The following RNLS variants were observed in gnomAD, a reference collection of about 807,000 sequenced individuals.
RNLS encodes renalase.
Under a neutral mutation model 39.8 loss-of-function variants are expected in RNLS, and 39 were observed. The ratio of observed to expected loss-of-function variants is 0.98; its 90% CI spans 0.76 to 1.28. The LOEUF is 1.28. Among genes scored for constraint, RNLS ranks in the 50% most tolerant of loss-of-function variants. The pLI, the probability that RNLS is intolerant of heterozygous loss-of-function variation, is 0.00. For synonymous variants in RNLS, 147 were observed against 150.7 expected (o/e 0.98, Z 0.18); for missense variants, 410 against 413.3 (o/e 0.99, Z 0.07).
intron 4 of RNLS, among the ~76,000 whole-genome samples, chr10:88,521,895 AGTGAAC>A (rs1264538948): frequency 6.6e-6 from 1 of 152,020 alleles, no homozygotes; most frequent in Non-Finnish European, 1.5e-5. Flanking sequence ...TTAGCTAATA[AGTGAAC>A]ATTAGAAGGC....
At chr10:88,336,693 T>C (rs1847527233) in intron 5 of RNLS, among the ~76,000 whole-genome samples, 1 of 152,208 alleles carries the variant, frequency 6.6e-6, no homozygotes, top group African/African-American at 2.4e-5. Context: ...AATGATAGCA[T>C]TCACCAGCAA....
intron 4 of RNLS, among the ~76,000 whole-genome samples, chr10:88,446,128 T>C (rs1842019258): frequency 6.6e-6 from 1 of 152,152 alleles, no homozygotes; most frequent in Non-Finnish European, 1.5e-5. Flanking sequence ...CAGACCACAG[T>C]GCAATCAAAC....
intron 4 of RNLS, among the ~76,000 whole-genome samples, chr10:88,457,493 C>A (rs1368007577): frequency 6.6e-6 from 1 of 152,202 alleles, no homozygotes; most frequent in African/African-American, 2.4e-5. Flanking sequence ...CTCAATACAG[C>A]CTGCTGTAGT....
chr10:88,545,433 A>G (rs1848250971), intron 4 of RNLS: 1 of 456,356 alleles, frequency 2.2e-6, no homozygotes, highest in Non-Finnish European at 4.4e-6. Flanking sequence ...TGGAAGACAA[A>G]GAAAGAGCAA....
At chr10:88,205,877 T>C in the RNLS span, among the ~76,000 whole-genome samples, 2 of 152,198 alleles carry the variant, frequency 1.3e-5, no homozygotes, top group African/African-American at 2.4e-5. Flanking sequence ...AAATAGAAAA[T>C]GTCCACTTCT....
chr10:88,482,271 A>G (rs1464713019), intron 4 of RNLS, among the ~76,000 whole-genome samples: 1 of 152,028 alleles, frequency 6.6e-6, no homozygotes, highest in African/African-American at 2.4e-5. Flanking sequence ...TAAGACTCCT[A>G]TTACGTCTAT....
At chr10:88,349,942 C>A (rs1848564561) in intron 5 of RNLS, among the ~76,000 whole-genome samples, 1 of 151,986 alleles carries the variant, frequency 6.6e-6, no homozygotes, top group African/African-American at 2.4e-5. Flanking sequence ...TTACAAATAA[C>A]TATGTCTATT....
At chr10:88,489,182 G>T (rs915550437) in intron 4 of RNLS, among the ~76,000 whole-genome samples, 2 of 152,098 alleles carry the variant, frequency 1.3e-5, no homozygotes, top group South Asian at 2.1e-4. Context: ...GTCAATTAAG[G>T]TTTCCAATAT....
At chr10:88,206,356 C>T in the RNLS span, among the ~76,000 whole-genome samples, 10 of 152,178 alleles carry the variant, frequency 6.6e-5, no homozygotes, top group Admixed American at 4.6e-4. Flanking sequence ...TAAGAACACT[C>T]TTTCTCTGTT....
At chr10:88,432,163 G>A (rs1042520689) in intron 4 of RNLS, among the ~76,000 whole-genome samples, 1 of 151,394 alleles carries the variant, frequency 6.6e-6, no homozygotes, top group African/African-American at 2.4e-5. Context: ...CATGTATTTA[G>A]GACTGTTTTG....
chr10:88,185,513 G>A, the RNLS span, among the ~76,000 whole-genome samples: 13 of 151,980 alleles, frequency 8.6e-5, no homozygotes, highest in Non-Finnish European at 8.8e-5. Context: ...AAGGAGCTTC[G>A]TCTTCTACTT....
At chr10:88,359,303 G>A (rs983725177) in intron 5 of RNLS, among the ~76,000 whole-genome samples, 5 of 113,996 alleles carry the variant, frequency 4.4e-5, no homozygotes, top group African/African-American at 1.1e-4. Context: ...GCCACAGAGC[G>A]AAACTACATT....
At chr10:88,529,776 T>G (rs1847309604) in intron 4 of RNLS, among the ~76,000 whole-genome samples, 1 of 152,194 alleles carries the variant, frequency 6.6e-6, no homozygotes, top group Non-Finnish European at 1.5e-5. Context: ...AGATCATCAC[T>G]CAGCCTTAAC....
At chr10:88,414,543 A>C (rs1040842490) in intron 4 of RNLS, among the ~76,000 whole-genome samples, 1 of 152,188 alleles carries the variant, frequency 6.6e-6, no homozygotes. Flanking sequence ...GTGAAATCTG[A>C]AAATACATTT....
intron 4 of RNLS, among the ~76,000 whole-genome samples, chr10:88,497,494 C>A (rs1046780910): frequency 2.0e-5 from 3 of 151,432 alleles, no homozygotes; most frequent in African/African-American, 4.8e-5. Flanking sequence ...GGGAGAGATA[C>A]AAAAAGGGAG....
chr10:88,331,949 C>G (rs1847150370), intron 5 of RNLS, among the ~76,000 whole-genome samples: 1 of 152,178 alleles, frequency 6.6e-6, no homozygotes, highest in Non-Finnish European at 1.5e-5. Context: ...GAAAGGGAGG[C>G]TGAGAGAGAA....
At chr10:88,372,057 A>C (rs978999837) in intron 4 of RNLS, among the ~76,000 whole-genome samples, 1 of 152,184 alleles carries the variant, frequency 6.6e-6, no homozygotes, top group African/African-American at 2.4e-5. Flanking sequence ...ATAGATCATG[A>C]CTTTTGTTCC....
At chr10:88,350,592 T>C (rs1352481903) in intron 5 of RNLS, among the ~76,000 whole-genome samples, 1 of 152,218 alleles carries the variant, frequency 6.6e-6, no homozygotes, top group Non-Finnish European at 1.5e-5. Context: ...TAGTATTCCA[T>C]GGTGTATATG....
intron 4 of RNLS, among the ~76,000 whole-genome samples, chr10:88,538,664 A>G (rs914006682): frequency 6.6e-6 from 1 of 152,124 alleles, no homozygotes; most frequent in African/African-American, 2.4e-5. Flanking sequence ...GGATTGAGGC[A>G]TTTAAGGCAA....
Sources: gnomAD v4.1 joint callset for allele counts (sites outside exome capture counted in the v4.1 genomes callset) on GRCh38, gnomAD v4.1.1 for gene constraint, MANE v1.5 for transcripts, NCBI Gene and HGNC (gene_info 2026-07-23, HGNC 2026-07-21) for gene names.